USH1C: variants seen among roughly 807,000 people sequenced by gnomAD.
USH1C encodes the protein USH1 protein network component harmonin, also known as harmonin.
A neutral mutation model predicts 119.3 loss-of-function variants in USH1C; 90 were observed. The observed-to-expected ratio is 0.75, with a 90% CI of 0.64 to 0.90. The LOEUF (loss-of-function observed/expected upper bound fraction) is 0.90, where lower values mean the gene tolerates loss of function less well. Among genes scored for constraint, USH1C ranks in the 40% least tolerant of loss-of-function variants. The pLI is 0.00. For synonymous variants in USH1C, 465 were observed against 443.3 expected (o/e 1.05, Z -0.62); for missense variants, 1,165 against 1,167.7 (o/e 1.00, Z 0.03).
At chr11:17,497,660 A>C (rs143634233) in intron 24 of USH1C, among the ~76,000 whole-genome samples, 5 of 152,190 alleles carry the variant, frequency 3.3e-5, no homozygotes, top group African/African-American at 1.2e-4. Flanking sequence ...ATGAGCAGGC[A>C]CCATTCACAC....
chr11:17,536,260 A>T (rs1175601299), intron 1 of USH1C, among the ~76,000 whole-genome samples: 1 of 152,230 alleles, frequency 6.6e-6, no homozygotes. Context: ...AGAAGATGGG[A>T]CAGAGAATCT....
At position 17,517,308 on chromosome 11, in the gene USH1C, GC is replaced by G. The variant is rs921923309; in HGVS notation, c.1211-1019del. 8 of 1,298,090 alleles carry G rather than the reference GC, an allele frequency of 6.2e-6. No individual in the cohort carries two copies. The African/African-American group carries it at 1.2e-4, about 19-fold the overall frequency. The allele number at this position is 1,298,090 out of a possible 1,614,324, so 80.4% of individuals were successfully genotyped here. ...CTCTATTGGCCCCCACACATGCTGG[GC>G]CCCTGAAGCTGGGTGTCTGCACTGC... On this transcript the variant is annotated intron_variant, in intron 14 of 26. Coordinates refer to ENST00000005226, the MANE Select transcript of USH1C (RefSeq NM_153676.4).
At chr11:17,500,966 A>G (rs1262851289) in intron 23 of USH1C, 85 bp downstream of exon 23, 4 of 1,145,278 alleles carry the variant, frequency 3.5e-6, no homozygotes, top group Non-Finnish European at 3.9e-6. Flanking sequence ...AGCCCACTCC[A>G]AGTGGTCACC....
At chr11:17,526,312 G>A (rs1261716687) in intron 8 of USH1C, 35 bp downstream of exon 8, 1 of 1,577,576 alleles carries the variant, frequency 6.3e-7, no homozygotes. Context: ...GGGTGCACTG[G>A]CCACGAATGA....
chr11:17,494,731 A>C (rs1215805500), intron 26 of USH1C: 1 of 359,436 alleles, frequency 2.8e-6, no homozygotes, highest in South Asian at 2.7e-5. Context: ...ATGAGGCCCT[A>C]ATGTTTTGGG....
At chr11:17,523,143 A>C (rs1029745732) in intron 11 of USH1C, 68 bp downstream of exon 11, 5 of 1,607,568 alleles carry the variant, frequency 3.1e-6, no homozygotes, top group Non-Finnish European at 4.3e-6. Context: ...AGTGTGTGGC[A>C]GAGATCAAAG....
At chr11:17,534,632 T>C (rs549212262) in intron 1 of USH1C, among the ~76,000 whole-genome samples, 1 of 152,308 alleles carries the variant, frequency 6.6e-6, no homozygotes, top group Non-Finnish European at 1.5e-5. Flanking sequence ...CCCAGCACTT[T>C]GGGAGGCCGA....
chr11:17,507,863 C>T (rs1339590064), intron 18 of USH1C, among the ~76,000 whole-genome samples: 1 of 152,218 alleles, frequency 6.6e-6, no homozygotes, highest in East Asian at 1.9e-4. Context: ...CTCGTAAGCC[C>T]TCTACTCTAC....
At chr11:17,530,050 G>A (rs1850888758) in intron 4 of USH1C, among the ~76,000 whole-genome samples, 1 of 152,224 alleles carries the variant, frequency 6.6e-6, no homozygotes, top group African/African-American at 2.4e-5. Context: ...CACCACCAGG[G>A]AGCCGTGAGA....
At chr11:17,525,481 C>G (rs1850626907) in intron 8 of USH1C, among the ~76,000 whole-genome samples, 1 of 152,230 alleles carries the variant, frequency 6.6e-6, no homozygotes. Flanking sequence ...TGGCACTTTA[C>G]TTTCTCCACA....
chr11:17,510,497 G>C lies in USH1C; in HGVS notation c.1438C>G (p.Leu480Val). 6.2e-7 allele frequency: 1 copy of C among 1,613,978 alleles called. No individual in the cohort carries two copies. The highest frequency in any genetic ancestry group is 8.5e-7 in the Non-Finnish European group (1 of 1,179,932). The change falls in exon 17 of 27, where the codon CTT (leucine) becomes GTT (valine). Residue 480 changes from leucine (L) to valine (V), a missense_variant. Leu to Val is a conservative substitution (Grantham distance 32). Coordinates refer to ENST00000005226, the MANE Select transcript of USH1C (RefSeq NM_153676.4). ...TATTGAATCTTTTCCGATTCTTCAA[G>C]GTCTTCCCGCTCTGTCTCAGACACC... ...QEVSETERED[L>V]EESEKIQYWV...
rs1849576633 is a variant in USH1C at position 17,504,689 on chromosome 11, C to T, written c.2142G>A (p.Glu714=). 1 of 1,613,946 alleles carries T rather than the reference C, an allele frequency of 6.2e-7. No individual in the cohort carries two copies. The highest frequency in any genetic ancestry group is 1.3e-5 in the African/African-American group (1 of 74,874). ...PAVKSEVLPQ[E]MLKRMVVYQT... is the part of the protein sequence containing the mutation. ...GATAAACCACCATCCTCTTCAACATCTCCTGTGGCTGCCAGAGGAAAAAAA... is the reference window on the plus strand; with the variant it reads ...GATAAACCACCATCCTCTTCAACATTTCCTGTGGCTGCCAGAGGAAAAAAA... The change falls in exon 20 of 27, where the codon GAG becomes GAA. Residue 714 remains glutamate (E), a synonymous_variant. Transcript: ENST00000005226.
At chr11:17,524,576 C>G in intron 8 of USH1C, 41 bp from the exon 9 acceptor site, 1 of 1,549,924 alleles carries the variant, frequency 6.5e-7, no homozygotes. Flanking sequence ...TTCAGGTAAC[C>G]CATGTCCAGT....
At chr11:17,526,559 C>T (rs1024720843) in intron 7 of USH1C, 118 bp from the exon 8 acceptor site, 43 of 1,138,158 alleles carry the variant, frequency 3.8e-5, no homozygotes, top group Middle Eastern at 1.9e-4. Context: ...ATCATCATTC[C>T]GTCCCTGGGG....
Position 17,523,089 on chromosome 11 carries a change from T to G in USH1C, c.876+122A>C, listed in dbSNP as rs1238327292. On this transcript the variant is annotated intron_variant, in intron 11 of 26. Coordinates refer to ENST00000005226, the MANE Select transcript of USH1C (RefSeq NM_153676.4). ...TCTTGCTGGGCAGAAGTCCTCTCGCTCTGCTCTGTCAGAGCTTCAGGGAAG... is the reference window on the plus strand; with the variant it reads ...TCTTGCTGGGCAGAAGTCCTCTCGCGCTGCTCTGTCAGAGCTTCAGGGAAG... The G allele has an allele frequency of 4.4e-6, 7 of 1,579,130 alleles. No homozygotes were observed. In the African/African-American group the frequency reaches 8.1e-5, roughly 18 times the overall value.
intron 9 of USH1C, 74 bp from the exon 10 acceptor site, chr11:17,523,552 C>A: frequency 1.4e-6 from 2 of 1,465,136 alleles, no homozygotes; most frequent in South Asian, 2.3e-5. Context: ...ACAGGCTCCC[C>A]CAGGGGCTCT....
At position 17,503,354 on chromosome 11, in the gene USH1C, C is replaced by A. The variant is rs1204985974; in HGVS notation, c.2184+1293G>T. Among the ~76,000 whole-genome samples the A allele has an allele frequency of 2.0e-5, 3 of 152,194 alleles. No individual in the cohort carries two copies. In the East Asian group the frequency reaches 5.8e-4, roughly 29 times the overall value. On this transcript the variant is annotated intron_variant, in intron 20 of 26. Coordinates refer to ENST00000005226, the MANE Select transcript of USH1C (RefSeq NM_153676.4). ...TGCTCCATGATCCTGAGAACCAGCT[C>A]TCAGGGATGGGCCAGATGGCAGGTA...
intron 15 of USH1C, among the ~76,000 whole-genome samples, chr11:17,512,445 A>C (rs1436707242): frequency 6.6e-6 from 1 of 152,202 alleles, no homozygotes; most frequent in African/African-American, 2.4e-5. Context: ...TGTATAAATA[A>C]AAAATAAAAT....
intron 14 of USH1C, among the ~76,000 whole-genome samples, chr11:17,518,849 G>A (rs894544899): frequency 2.0e-5 from 3 of 152,268 alleles, no homozygotes; most frequent in South Asian, 2.1e-4. Context: ...GTGAAACCCT[G>A]TCTCTACCAA....
Sources: allele counts gnomAD v4.1 joint callset (sites outside exome capture counted in the v4.1 genomes callset), GRCh38; gene constraint gnomAD v4.1.1; transcripts MANE v1.5; gene names NCBI Gene and HGNC (gene_info 2026-07-23, HGNC 2026-07-21).